CFLAR: variants seen among roughly 807,000 people sequenced by gnomAD.
CFLAR encodes CASP8 and FADD like apoptosis regulator.
CFLAR carries 14 observed loss-of-function variants against 51.1 expected under a neutral mutation model. That is an observed-to-expected ratio of 0.27 (90% CI 0.18 to 0.43). The LOEUF is 0.43. Among genes scored for constraint, CFLAR ranks in the 20% least tolerant of loss-of-function variants. The pLI is 1.00. For synonymous variants in CFLAR, 210 were observed against 211.6 expected (o/e 0.99, Z 0.06); for missense variants, 390 against 566.5 (o/e 0.69, Z 3.16).
rs1944157396 is a variant in CFLAR at position 201,175,619 on chromosome 2, G to A, written c.*11646G>A. 1 of 152,108 alleles carries A rather than the reference G, an allele frequency of 6.6e-6. No individual in the cohort carries two copies. Among genetic ancestry groups the A allele is most frequent in the Non-Finnish European group, 1.5e-5 (1 of 68,036 alleles). The allele number at this position is 152,108 out of a possible 1,614,324, so 9.4% of individuals were successfully genotyped here. On this transcript the variant is annotated 3_prime_UTR_variant, in exon 10 of 10. Coordinates refer to ENST00000309955, the MANE Select transcript of CFLAR (RefSeq NM_003879.7). ...AGCCTGGGGAACAGAGTGAGACCCTGTCTCAAAATAAAAATAAATTTGAGG... is the reference window on the plus strand; with the variant it reads ...AGCCTGGGGAACAGAGTGAGACCCTATCTCAAAATAAAAATAAATTTGAGG...
At chr2:201,160,321 G>A in intron 8 of CFLAR, 111 bp from the exon 9 acceptor site, 1 of 1,187,614 alleles carries the variant, frequency 8.4e-7, no homozygotes, top group Non-Finnish European at 1.2e-6. Context: ...TGACACAAAA[G>A]CAGAAGCTTT....
At chr2:201,162,887 A>G (rs1943201379) in intron 9 of CFLAR, 3 of 622,160 alleles carry the variant, frequency 4.8e-6, no homozygotes, top group Non-Finnish European at 8.8e-6. Context: ...GCCATAGCTT[A>G]ATTTACTTGA....
At position 201,129,844 on chromosome 2, in the gene CFLAR, G is replaced by A; in HGVS notation, c.-22G>A. On this transcript the variant is annotated 5_prime_UTR_variant, in exon 2 of 10. Coordinates refer to ENST00000309955, the MANE Select transcript of CFLAR (RefSeq NM_003879.7). ...GAGCTGTACTGCAAGACCCTTGTGA[G>A]CTTCCCTAGTCTAAGAGTAGGATGT... is the stretch of plus-strand genomic sequence containing the variant. 1.9e-6 allele frequency: 3 copies of A among 1,610,282 alleles called. No homozygotes were observed. Among genetic ancestry groups the A allele is most frequent in the Non-Finnish European group, 2.5e-6 (3 of 1,177,782 alleles).
At chr2:201,152,571 A>G (rs1941455800) in intron 8 of CFLAR, among the ~76,000 whole-genome samples, 1 of 152,218 alleles carries the variant, frequency 6.6e-6, no homozygotes. Flanking sequence ...ATGGCTTTGC[A>G]CTTGGTACAT....
rs1404332552 is a variant in CFLAR at position 201,138,613 on chromosome 2, T to C, written c.524-1744T>C. 1.3e-5 allele frequency: 20 copies of C among 1,573,380 alleles called. No individual in the cohort carries two copies. Among genetic ancestry groups the C allele is most frequent in the Non-Finnish European group, 1.6e-5 (19 of 1,158,042 alleles). On this transcript the variant is annotated intron_variant, in intron 4 of 9. Transcript: ENST00000309955. The surrounding 1 kb of genome is among the most constrained non-coding windows in gnomAD (Gnocchi z 4.0). ...ATGCCCACCAGCTTGCTGCCCATGGTACCCGTCTCAGTGATGGGGATGCCA... is the reference window on the plus strand; with the variant it reads ...ATGCCCACCAGCTTGCTGCCCATGGCACCCGTCTCAGTGATGGGGATGCCA...
At chr2:201,155,406 A>T (rs545786082) in intron 8 of CFLAR, among the ~76,000 whole-genome samples, 105 of 151,802 alleles carry the variant, frequency 6.9e-4, no homozygotes, top group African/African-American at 2.3e-3. Context: ...CTGGGATTAC[A>T]GGCACCCGCC....
intron 1 of CFLAR, among the ~76,000 whole-genome samples, chr2:201,119,897 A>T (rs1280467272): frequency 6.7e-6 from 1 of 148,326 alleles, no homozygotes; most frequent in Non-Finnish European, 1.5e-5. Context: ...ACATATTTTT[A>T]AAAATAAACA....
chr2:201,145,426 G>C lies in CFLAR; in HGVS notation c.655G>C (p.Ala219Pro), dbSNP rs1196972510. The change falls in exon 6 of 10, where the codon GCT becomes CCT. Residue 219 changes from alanine (A) to proline (P), a missense_variant. By Grantham distance (27) the Ala-to-Pro change is conservative. Around this residue, in one of 2 missense-constraint regions of CFLAR, gnomAD observed 287 missense variants for 363.6 expected, o/e 0.79. Coordinates refer to ENST00000309955, the MANE Select transcript of CFLAR (RefSeq NM_003879.7). ...KEQRLKEQLG[A>P]QQEPVKKSIQ... ...ACAAAGACTTAAGGAACAGCTTGGC[G>C]CTCAACGTAAGACCACCTTTTTTTA... The C allele has an allele frequency of 1.2e-6, 2 of 1,600,500 alleles. No homozygotes were observed. Among genetic ancestry groups the C allele is most frequent in the Non-Finnish European group, 1.7e-6 (2 of 1,168,640 alleles).
intron 4 of CFLAR, chr2:201,137,362 C>T (rs2050278852): frequency 2.8e-6 from 1 of 354,942 alleles, no homozygotes; most frequent in Non-Finnish European, 5.5e-6. Flanking sequence ...AGGGGGGCTG[C>T]AGACCCCTCA....
In CFLAR at chr2:201,138,690, G is replaced by T; in HGVS notation, c.524-1667G>T. ...CAACACATCACCCACAGTGTGCAAG[G>T]GGCTCAGCACCACGGGGTGTGTGAT... On this transcript the variant is annotated intron_variant, in intron 4 of 9. Transcript: ENST00000309955. The surrounding 1 kb of genome is among the most constrained non-coding windows in gnomAD (Gnocchi z 4.0). 1.1e-6 allele frequency: 1 copy of T among 877,086 alleles called. No homozygotes were observed. 54.3% of individuals were successfully genotyped at this position (877,086 alleles called of 1,614,324 possible).
Position 201,124,111 on chromosome 2 carries a change from A to C in CFLAR, c.-137-5618A>C, listed in dbSNP as rs1187041562. Reference sequence around the variant, plus strand: ...AAGCAGTAGAAAGAAGGGAATGTTAAGTACGTCTTTGGATGGCTTAGCTGG... The same window carrying C: ...AAGCAGTAGAAAGAAGGGAATGTTACGTACGTCTTTGGATGGCTTAGCTGG... On this transcript the variant is annotated intron_variant, in intron 1 of 9. Coordinates refer to ENST00000309955, the MANE Select transcript of CFLAR (RefSeq NM_003879.7). This position sits in a 1 kb window ranked among gnomAD's most constrained non-coding sequence, Gnocchi z 4.7. Among the ~76,000 whole-genome samples, 1 of 152,232 alleles carries C rather than the reference A, an allele frequency of 6.6e-6. No homozygotes were observed. Among genetic ancestry groups the C allele is most frequent in the Non-Finnish European group, 1.5e-5 (1 of 68,050 alleles).
At chr2:201,125,497 T>G (rs764617811) in intron 1 of CFLAR, among the ~76,000 whole-genome samples, 1 of 151,452 alleles carries the variant, frequency 6.6e-6, no homozygotes, top group African/African-American at 2.4e-5. Context: ...AGAGTAGACA[T>G]AGGGGATTAG....
chr2:201,140,088 C>A (rs1278630838), intron 4 of CFLAR: 6 of 219,594 alleles, frequency 2.7e-5, no homozygotes, highest in Middle Eastern at 1.5e-3. Context: ...CGGAGGCGCG[C>A]CGCTGCCACG....
chr2:201,158,856 A>ATTATTATTG (rs1284683277), intron 8 of CFLAR, among the ~76,000 whole-genome samples: 4 of 121,686 alleles, frequency 3.3e-5, no homozygotes, highest in Non-Finnish European at 7.0e-5. Flanking sequence ...CCTCATCATT[A>ATTATTATTG]TTATTATTAT....
chr2:201,150,357 G>C (rs1295727171), intron 8 of CFLAR: 1 of 152,022 alleles, frequency 6.6e-6, no homozygotes, highest in African/African-American at 2.4e-5. Flanking sequence ...ATTAGCTGGT[G>C]TGGTGGTGCA....
At chr2:201,160,140 C>T (rs1009408052) in intron 8 of CFLAR, among the ~76,000 whole-genome samples, 8 of 152,086 alleles carry the variant, frequency 5.3e-5, no homozygotes, top group Admixed American at 1.3e-4. Flanking sequence ...AAGGTTTTGT[C>T]CCCCCTTGGT....
chr2:201,125,551 A>T (rs759702360), intron 1 of CFLAR, among the ~76,000 whole-genome samples: 2 of 152,086 alleles, frequency 1.3e-5, no homozygotes, highest in Non-Finnish European at 2.9e-5. Context: ...CTAGGCAAGC[A>T]GAGGGACAGG....
Position 201,149,774 on chromosome 2 carries a change from C to T in CFLAR, c.732C>T (p.Tyr244=), listed in dbSNP as rs755972777. 3.1e-6 allele frequency: 5 copies of T among 1,613,186 alleles called. No homozygotes were observed. Among genetic ancestry groups the T allele is most frequent in the Non-Finnish European group, 3.4e-6 (4 of 1,179,354 alleles). ...FLPQSIPEER[Y]KMKSKPLGIC... is the part of the protein sequence containing the mutation. ...TCCAGAGCATACCTGAAGAGAGATACAAGATGAAGAGCAAGCCCCTAGGAA... is the reference window on the plus strand; with the variant it reads ...TCCAGAGCATACCTGAAGAGAGATATAAGATGAAGAGCAAGCCCCTAGGAA... The change falls in exon 8 of 10, where the codon TAC becomes TAT. Residue 244 remains tyrosine, a synonymous_variant. Transcript: ENST00000309955.
chr2:201,156,927 C>A (rs1942273852), intron 8 of CFLAR, among the ~76,000 whole-genome samples: 1 of 152,086 alleles, frequency 6.6e-6, no homozygotes, highest in African/African-American at 2.4e-5. Flanking sequence ...ACTGTCCTAC[C>A]TACATAGGAT....
Sources: gnomAD v4.1 joint callset for allele counts (sites outside exome capture counted in the v4.1 genomes callset) on GRCh38, gnomAD v4.1.1 for gene constraint, gnomAD v4.1.1 regional missense constraint, Gnocchi (gnomAD v3.1) non-coding constraint, MANE v1.5 for transcripts, NCBI Gene and HGNC (gene_info 2026-07-23, HGNC 2026-07-21) for gene names.